ARHGAP15: variants seen among roughly 807,000 people sequenced by gnomAD.
The protein encoded by ARHGAP15 is Rho GTPase activating protein 15.
ARHGAP15 carries 51 observed loss-of-function variants against 63.7 expected under a neutral mutation model. The observed-to-expected ratio is 0.80, with a 90% CI of 0.64 to 1.01. The LOEUF is 1.01. Among genes scored for constraint, ARHGAP15 ranks in the 50% least tolerant of loss-of-function variants. The pLI is 0.00. For missense variants in ARHGAP15, 560 were observed against 564.6 expected (o/e 0.99, Z 0.08); for synonymous variants, 191 against 193.8 (o/e 0.99, Z 0.12).
intron 12 of ARHGAP15, among the ~76,000 whole-genome samples, chr2:143,633,534 T>A (rs556471066): frequency 1.3e-5 from 2 of 152,058 alleles, no homozygotes; most frequent in East Asian, 3.9e-4. Context: ...AAAACTTTTA[T>A]TTTACTTGCA....
chr2:143,416,261 CAA>C (rs1488066875), intron 6 of ARHGAP15, among the ~76,000 whole-genome samples: 1 of 150,542 alleles, frequency 6.6e-6, no homozygotes, highest in Admixed American at 6.7e-5. Context: ...TTTAAAAAAA[CAA>C]AAACAAAGGG....
chr2:143,424,743 A>G (rs1689072448), intron 6 of ARHGAP15, among the ~76,000 whole-genome samples: 1 of 152,140 alleles, frequency 6.6e-6, no homozygotes. Flanking sequence ...TATGTGTCCC[A>G]TCTTGAATCC....
intron 6 of ARHGAP15, among the ~76,000 whole-genome samples, chr2:143,337,003 A>T (rs1684801569): frequency 6.6e-6 from 1 of 152,036 alleles, no homozygotes; most frequent in Non-Finnish European, 1.5e-5. Flanking sequence ...GCCAATGTGC[A>T]GTGTTTCAGG....
intron 12 of ARHGAP15, among the ~76,000 whole-genome samples, chr2:143,671,279 G>A (rs1574815740): frequency 6.6e-6 from 1 of 151,924 alleles, no homozygotes; most frequent in Non-Finnish European, 1.5e-5. Flanking sequence ...TGGGGGATTT[G>A]CTTCTAGGTA....
At chr2:143,454,097 A>G (rs1690536302) in intron 8 of ARHGAP15, among the ~76,000 whole-genome samples, 1 of 152,098 alleles carries the variant, frequency 6.6e-6, no homozygotes, top group Non-Finnish European at 1.5e-5. Flanking sequence ...TTGGGTGGAA[A>G]GAATGTTCCT....
At chr2:143,402,489 C>G (rs943683036) in intron 6 of ARHGAP15, among the ~76,000 whole-genome samples, 1 of 144,704 alleles carries the variant, frequency 6.9e-6, no homozygotes, top group Non-Finnish European at 1.5e-5. Context: ...AAGAATTAAC[C>G]TGCTTGGGAA....
At chr2:143,726,131 T>C (rs775626859) in intron 13 of ARHGAP15, among the ~76,000 whole-genome samples, 45 of 152,224 alleles carry the variant, frequency 3.0e-4, no homozygotes, top group Non-Finnish European at 5.6e-4. Context: ...TGTGGTCAAG[T>C]GCATGATTAG....
At chr2:143,604,172 G>T (rs759831664) in intron 11 of ARHGAP15, among the ~76,000 whole-genome samples, 5 of 152,236 alleles carry the variant, frequency 3.3e-5, no homozygotes, top group African/African-American at 4.8e-5. Flanking sequence ...TGTTATTTCA[G>T]AAGTTGGAGG....
intron 5 of ARHGAP15, chr2:143,236,075 C>A: frequency 4.4e-6 from 6 of 1,378,884 alleles, no homozygotes; most frequent in South Asian, 3.0e-5. Context: ...TTTAGAACAT[C>A]CATTCATTTA....
At chr2:143,211,614 T>C (rs1409891666) in intron 3 of ARHGAP15, among the ~76,000 whole-genome samples, 9 of 152,098 alleles carry the variant, frequency 5.9e-5, no homozygotes, top group Non-Finnish European at 1.2e-4. Context: ...GCAGAGTTCT[T>C]TTAGAGAGAG....
chr2:143,207,477 GAC>G (rs535134927), intron 3 of ARHGAP15, among the ~76,000 whole-genome samples: 3 of 139,460 alleles, frequency 2.2e-5, no homozygotes, highest in Non-Finnish European at 3.1e-5. Flanking sequence ...CTCTCCCATT[GAC>G]ACACACACAC....
chr2:143,595,104 G>T (rs1472597243), intron 11 of ARHGAP15, among the ~76,000 whole-genome samples: 4 of 152,062 alleles, frequency 2.6e-5, no homozygotes, highest in Non-Finnish European at 5.9e-5. Flanking sequence ...TTTAGAGATG[G>T]TCCTTCTGTT....
At chr2:143,311,783 G>A (rs1558883921) in intron 6 of ARHGAP15, among the ~76,000 whole-genome samples, 2 of 152,080 alleles carry the variant, frequency 1.3e-5, no homozygotes, top group East Asian at 3.8e-4. Flanking sequence ...CTTCTCCCAT[G>A]GATCTGCCTG....
At chr2:143,360,234 AAT>A (rs1195495867) in intron 6 of ARHGAP15, among the ~76,000 whole-genome samples, 253 of 151,838 alleles carry the variant, frequency 1.7e-3, no homozygotes, top group African/African-American at 5.8e-3. Context: ...AAAAAAAAAA[AAT>A]AGCACATTAT....
chr2:143,654,804 GAA>G (rs889400408), intron 12 of ARHGAP15, among the ~76,000 whole-genome samples: 7 of 152,132 alleles, frequency 4.6e-5, no homozygotes, highest in African/African-American at 1.7e-4. Flanking sequence ...TGAATATATG[GAA>G]ATTAATTATA....
At chr2:143,486,133 A>G (rs555708477) in intron 8 of ARHGAP15, among the ~76,000 whole-genome samples, 2 of 152,300 alleles carry the variant, frequency 1.3e-5, no homozygotes, top group South Asian at 2.1e-4. Context: ...TTTCAAAAGC[A>G]TATCTATATT....
intron 12 of ARHGAP15, among the ~76,000 whole-genome samples, chr2:143,666,423 A>T (rs951041016): frequency 1.3e-5 from 2 of 152,108 alleles, no homozygotes. Flanking sequence ...TCAATTCAAG[A>T]TGGATTAAAG....
chr2:143,324,679 T>C (rs1379412444), intron 6 of ARHGAP15, among the ~76,000 whole-genome samples: 2 of 152,196 alleles, frequency 1.3e-5, no homozygotes, highest in East Asian at 3.8e-4. Context: ...TGTGTAAATA[T>C]GAATTTTTAA....
chr2:143,498,990 C>T (rs1692937910), intron 9 of ARHGAP15, among the ~76,000 whole-genome samples: 1 of 152,074 alleles, frequency 6.6e-6, no homozygotes, highest in Admixed American at 6.6e-5. Context: ...GGCTCATTCC[C>T]CCATCCCTTT....
Sources: gnomAD v4.1 joint callset for allele counts (sites outside exome capture counted in the v4.1 genomes callset) on GRCh38, gnomAD v4.1.1 for gene constraint, MANE v1.5 for transcripts, NCBI Gene and HGNC (gene_info 2026-07-23, HGNC 2026-07-21) for gene names.